The following LRRIQ1 variants were observed in gnomAD, a reference collection of about 807,000 sequenced individuals.
LRRIQ1 encodes leucine rich repeats and IQ motif containing 1, also known as leucine-rich repeat- and IQ domain-containing protein 1.
In LRRIQ1, 210 loss-of-function variants were observed where a neutral mutation model predicts 211.9. That is an observed-to-expected ratio of 0.99 (90% confidence interval 0.89 to 1.11). The LOEUF is 1.11. Ranked by LOEUF, LRRIQ1 falls within the 50% of genes most tolerant of loss-of-function variation. The pLI, the probability that LRRIQ1 is intolerant of heterozygous loss-of-function variation, is 0.00. For missense variants in LRRIQ1, 2,136 were observed against 1,939.5 expected, an observed-to-expected ratio of 1.10 and a Z score of -1.90; for synonymous variants, 699 against 650.1, an observed-to-expected ratio of 1.08 and a Z score of -1.14.
intron 24 of LRRIQ1, among the ~76,000 whole-genome samples, chr12:85,211,520 T>A (rs923366626): frequency 6.6e-6 from 1 of 152,216 alleles, no homozygotes; most frequent in Admixed American, 6.5e-5. Context: ...CATGCCATTT[T>A]ATGTAGCAGA....
chr12:85,120,124 T>C (rs989472867), intron 15 of LRRIQ1, among the ~76,000 whole-genome samples: 3 of 152,206 alleles, frequency 2.0e-5, no homozygotes, highest in African/African-American at 7.2e-5. Flanking sequence ...CCAAAGGTCA[T>C]CTAGATTTTC....
At chr12:85,118,632 G>A (rs1258853715) in intron 15 of LRRIQ1, among the ~76,000 whole-genome samples, 1 of 151,234 alleles carries the variant, frequency 6.6e-6, no homozygotes, top group Non-Finnish European at 1.5e-5. Flanking sequence ...ACTTTGGTTG[G>A]CCCTAGGCAT....
intron 26 of LRRIQ1, among the ~76,000 whole-genome samples, chr12:85,236,436 C>G (rs1895176283): frequency 6.6e-6 from 1 of 151,990 alleles, no homozygotes; most frequent in Non-Finnish European, 1.5e-5. Flanking sequence ...TGGTGGTTCA[C>G]AGAGATGATG....
chr12:85,074,310 AT>A (rs1307772897), intron 11 of LRRIQ1, among the ~76,000 whole-genome samples: 1 of 151,770 alleles, frequency 6.6e-6, no homozygotes, highest in Non-Finnish European at 1.5e-5. Context: ...TTTAATTTTT[AT>A]TTTTGTGGGT....
intron 24 of LRRIQ1, among the ~76,000 whole-genome samples, chr12:85,198,935 G>C (rs891724457): frequency 1.3e-5 from 2 of 152,080 alleles, no homozygotes; most frequent in African/African-American, 4.8e-5. Context: ...GTCTGTTCAA[G>C]TCCTTTGCCC....
chr12:85,094,684 T>A (rs1267148190), intron 11 of LRRIQ1, among the ~76,000 whole-genome samples: 1 of 152,172 alleles, frequency 6.6e-6, no homozygotes, highest in Admixed American at 6.6e-5. Context: ...AATAGTGTTA[T>A]ATCTGTAAAC....
At chr12:85,113,083 T>C (rs547807460) in intron 15 of LRRIQ1, among the ~76,000 whole-genome samples, 1 of 152,216 alleles carries the variant, frequency 6.6e-6, no homozygotes, top group South Asian at 2.1e-4. Context: ...CAATTCTCAA[T>C]CCGGAGACAT....
chr12:85,241,153 T>C (rs1372712289), intron 26 of LRRIQ1, among the ~76,000 whole-genome samples: 1 of 152,066 alleles, frequency 6.6e-6, no homozygotes, highest in South Asian at 2.1e-4. Flanking sequence ...TGAAATGTTG[T>C]CATTGAGGCA....
At chr12:85,228,520 C>A (rs1894779464) in intron 24 of LRRIQ1, among the ~76,000 whole-genome samples, 1 of 152,122 alleles carries the variant, frequency 6.6e-6, no homozygotes, top group Non-Finnish European at 1.5e-5. Context: ...TTTAGATACC[C>A]AAAGCATCCA....
chr12:85,060,747 T>TA (rs900808465), intron 8 of LRRIQ1, among the ~76,000 whole-genome samples: 28 of 149,178 alleles, frequency 1.9e-4, no homozygotes, highest in Middle Eastern at 3.4e-3. Context: ...TCTGAAAAAG[T>TA]AAAAAAAAAA....
chr12:85,232,672 C>T, intron 25 of LRRIQ1, 24 bp from the exon 26 acceptor site: 1 of 1,588,314 alleles, frequency 6.3e-7, no homozygotes, highest in Non-Finnish European at 8.6e-7. Flanking sequence ...TTATAAAATA[C>T]TTTCTGTTTT....
intron 11 of LRRIQ1, among the ~76,000 whole-genome samples, chr12:85,096,285 G>T (rs1885872846): frequency 6.6e-6 from 1 of 152,100 alleles, no homozygotes; most frequent in Non-Finnish European, 1.5e-5. Context: ...CTAACTTCTT[G>T]ATGTAGGCAT....
At chr12:85,130,722 C>T (rs1198304750) in intron 18 of LRRIQ1, among the ~76,000 whole-genome samples, 1 of 152,104 alleles carries the variant, frequency 6.6e-6, no homozygotes, top group East Asian at 1.9e-4. Context: ...CCTAAACATT[C>T]TGAGGGAGTA....
chr12:85,106,455 TCA>T, intron 14 of LRRIQ1, 65 bp from the exon 15 acceptor site: 1 of 1,106,408 alleles, frequency 9.0e-7, no homozygotes, highest in African/African-American at 1.6e-5. Flanking sequence ...AATACAGTGG[TCA>T]TAGATTTATG....
intron 23 of LRRIQ1, among the ~76,000 whole-genome samples, chr12:85,160,407 C>T (rs1890800044): frequency 6.6e-6 from 1 of 151,954 alleles, no homozygotes; most frequent in South Asian, 2.1e-4. Context: ...TAAGTATTGG[C>T]TATTTGTTTA....
intron 10 of LRRIQ1, among the ~76,000 whole-genome samples, chr12:85,070,564 G>A (rs141198700): frequency 3.3e-5 from 5 of 151,854 alleles, no homozygotes; most frequent in African/African-American, 1.2e-4. Context: ...GTGCCAACTT[G>A]TTTTTTGTTT....
chr12:85,139,769 G>A (rs1426081594), intron 19 of LRRIQ1, among the ~76,000 whole-genome samples: 2 of 151,342 alleles, frequency 1.3e-5, no homozygotes, highest in East Asian at 3.9e-4. Context: ...TCAAAAGGAA[G>A]CCCTTAAAAA....
chr12:85,108,424 G>A (rs973189582), intron 15 of LRRIQ1, among the ~76,000 whole-genome samples: 3 of 152,030 alleles, frequency 2.0e-5, no homozygotes, highest in Admixed American at 6.6e-5. Flanking sequence ...CACTGTGCCC[G>A]GTCTTCTATG....
chr12:85,260,129 TAAAA>T (rs34282611), intron 1 of LRRIQ1, among the ~76,000 whole-genome samples: 1,538 of 115,568 alleles, frequency 0.013, 16 homozygotes, highest in Middle Eastern at 0.026. Flanking sequence ...TCATGTTGGT[TAAAA>T]AAAAAAAAAA....
Sources: allele counts gnomAD v4.1 joint callset (sites outside exome capture counted in the v4.1 genomes callset), GRCh38; gene constraint gnomAD v4.1.1; transcripts MANE v1.5; gene names NCBI Gene and HGNC (gene_info 2026-07-23, HGNC 2026-07-21).